The following ESRRG variants were observed in gnomAD, a reference collection of about 807,000 sequenced individuals.
The protein encoded by ESRRG is estrogen related receptor gamma.
Under a neutral mutation model 44.0 loss-of-function variants are expected in ESRRG, and 13 were observed. The ratio of observed to expected loss-of-function variants is 0.30; its 90% CI spans 0.19 to 0.47. The LOEUF is 0.47. ESRRG is among the 20% of genes least tolerant of loss of function. ESRRG has a pLI of 1.00. For missense variants in ESRRG, 395 were observed against 580.6 expected (o/e 0.68, Z 3.29); for synonymous variants, 215 against 214.6 (o/e 1.00, Z -0.02).
At chr1:216,984,003 T>A (rs2074440309) in intron 1 of ESRRG, among the ~76,000 whole-genome samples, 1 of 133,342 alleles carries the variant, frequency 7.5e-6, no homozygotes, top group Non-Finnish European at 1.6e-5. Flanking sequence ...CAGATCTAAA[T>A]ATAGGGTCAT....
chr1:216,549,270 C>T (rs1236940945), intron 5 of ESRRG, among the ~76,000 whole-genome samples: 4 of 151,680 alleles, frequency 2.6e-5, no homozygotes, highest in Admixed American at 1.3e-4. Context: ...TTTTAAATAC[C>T]GTAAGATCAG....
chr1:216,758,897 T>C (rs1297995892), intron 2 of ESRRG, among the ~76,000 whole-genome samples: 1 of 151,884 alleles, frequency 6.6e-6, no homozygotes, highest in South Asian at 2.1e-4. Flanking sequence ...ACTTACTATA[T>C]ATTTTTTTTC....
intron 2 of ESRRG, among the ~76,000 whole-genome samples, chr1:216,893,737 A>G (rs986486658): frequency 2.6e-5 from 4 of 152,144 alleles, no homozygotes; most frequent in Admixed American, 6.5e-5. Flanking sequence ...AGAAGTACAT[A>G]CTAAAAAGCT....
At chr1:216,709,339 G>T (rs1208309540) in intron 1 of ESRRG, among the ~76,000 whole-genome samples, 3 of 63,474 alleles carry the variant, frequency 4.7e-5, no homozygotes, top group African/African-American at 1.8e-4. Flanking sequence ...ATGTGTGTGT[G>T]TGTGTATATA....
intron 1 of ESRRG, among the ~76,000 whole-genome samples, chr1:216,710,351 C>G (rs146365366): frequency 6.6e-6 from 1 of 152,170 alleles, no homozygotes; most frequent in Admixed American, 6.5e-5. Context: ...AAAGCCTGCC[C>G]AGGGTCCAGA....
chr1:216,515,272 T>C (rs1043133400), intron 6 of ESRRG, among the ~76,000 whole-genome samples: 3 of 152,030 alleles, frequency 2.0e-5, no homozygotes, highest in African/African-American at 7.2e-5. Flanking sequence ...CGTATGTATA[T>C]ATGTGTGTGT....
chr1:216,717,592 A>G (rs1478011200), intron 1 of ESRRG, among the ~76,000 whole-genome samples: 3 of 151,858 alleles, frequency 2.0e-5, no homozygotes, highest in African/African-American at 7.2e-5. Context: ...CAATGAATCT[A>G]GGAATTTTAA....
At chr1:216,744,879 T>A (rs1197142211) in intron 2 of ESRRG, among the ~76,000 whole-genome samples, 1 of 152,236 alleles carries the variant, frequency 6.6e-6, no homozygotes, top group Non-Finnish European at 1.5e-5. Context: ...TTTTCTGTAG[T>A]TCTCTGAGCA....
chr1:216,897,494 T>C (rs1015431850), intron 2 of ESRRG, among the ~76,000 whole-genome samples: 6 of 152,156 alleles, frequency 3.9e-5, no homozygotes, highest in Non-Finnish European at 8.8e-5. Flanking sequence ...ACATATTTTT[T>C]AAAAATGACA....
chr1:216,811,770 A>G (rs2094977612), intron 2 of ESRRG, among the ~76,000 whole-genome samples: 1 of 152,216 alleles, frequency 6.6e-6, no homozygotes, highest in Non-Finnish European at 1.5e-5. Flanking sequence ...AGAAAAAAAT[A>G]CAGTACCATT....
chr1:216,594,416 A>G (rs1369100587), intron 3 of ESRRG, among the ~76,000 whole-genome samples: 1 of 152,160 alleles, frequency 6.6e-6, no homozygotes, highest in Non-Finnish European at 1.5e-5. Context: ...AAAATGCCTG[A>G]GAATATCTAT....
At chr1:216,904,690 C>A (rs2059491334) in intron 2 of ESRRG, among the ~76,000 whole-genome samples, 1 of 152,168 alleles carries the variant, frequency 6.6e-6, no homozygotes. Context: ...ACCAACAACT[C>A]CCCGGCTGTG....
chr1:216,675,501 G>A (rs147670281), intron 2 of ESRRG, among the ~76,000 whole-genome samples: 26 of 152,244 alleles, frequency 1.7e-4, no homozygotes, highest in East Asian at 7.7e-4. Context: ...AAACTAGTAC[G>A]TCACAAAATT....
chr1:216,823,125 G>A (rs1245901085), intron 2 of ESRRG, among the ~76,000 whole-genome samples: 3 of 151,760 alleles, frequency 2.0e-5, no homozygotes, highest in East Asian at 1.9e-4. Flanking sequence ...CTAACATCTC[G>A]GTGCCGGATT....
intron 1 of ESRRG, among the ~76,000 whole-genome samples, chr1:217,126,205 C>T (rs754629479): frequency 6.6e-6 from 1 of 150,966 alleles, no homozygotes; most frequent in Admixed American, 6.6e-5. Context: ...CTTTACCTAC[C>T]TACCTAGCTA....
At chr1:216,775,385 T>C (rs1429786719) in intron 2 of ESRRG, among the ~76,000 whole-genome samples, 1 of 151,876 alleles carries the variant, frequency 6.6e-6, no homozygotes, top group Non-Finnish European at 1.5e-5. Context: ...AGTGGCCTAA[T>C]GTATGAAATG....
At position 216,597,511 on chromosome 1, in the gene ESRRG, CAT is replaced by C. The variant is rs1313446008; in HGVS notation, c.590-29415_590-29414del. On this transcript the variant is annotated intron_variant, in intron 3 of 6. Transcript: ENST00000408911. Reference sequence around the variant, plus strand: ...CAGGATTTGGAACTGTGTTTTCTAACATGTGTTATGTAACTTAATTAAAATAA... The same window carrying C: ...CAGGATTTGGAACTGTGTTTTCTAACGTGTTATGTAACTTAATTAAAATAA... Among the ~76,000 whole-genome samples, 27 of 152,228 alleles carry C rather than the reference CAT, an allele frequency of 1.8e-4. No homozygotes were observed. In the East Asian group the frequency reaches 4.6e-3, roughly 26 times the overall value.
At chr1:217,022,465 C>T (rs983896733) in intron 1 of ESRRG, among the ~76,000 whole-genome samples, 1 of 152,170 alleles carries the variant, frequency 6.6e-6, no homozygotes, top group African/African-American at 2.4e-5. Flanking sequence ...CGCTCATTTG[C>T]ACACAGTGAG....
intron 1 of ESRRG, among the ~76,000 whole-genome samples, chr1:216,711,895 T>C (rs1347477342): frequency 6.6e-6 from 1 of 152,212 alleles, no homozygotes; most frequent in Non-Finnish European, 1.5e-5. Context: ...TGTTGAATCA[T>C]ATGAAATTAC....
Sources: gnomAD v4.1 joint callset for allele counts (sites outside exome capture counted in the v4.1 genomes callset) on GRCh38, gnomAD v4.1.1 for gene constraint, MANE v1.5 for transcripts, NCBI Gene and HGNC (gene_info 2026-07-23, HGNC 2026-07-21) for gene names.